The following ISM1 variants were observed in gnomAD, a reference collection of about 807,000 sequenced individuals.
ISM1 encodes the protein isthmin 1.
In ISM1, 25 loss-of-function variants were observed where a neutral mutation model predicts 46.3. The ratio of observed to expected loss-of-function variants is 0.54; its 90% CI spans 0.39 to 0.75. ISM1 has a LOEUF of 0.75. Ranked by LOEUF, ISM1 falls within the 30% of genes least tolerant of loss-of-function variation. The probability of loss-of-function intolerance (pLI) is 0.00; values close to 1 mark genes in which losing one functional copy is unlikely to be tolerated. For synonymous variants in ISM1, 255 were observed against 256.7 expected (o/e 0.99, Z 0.06); for missense variants, 536 against 625.4 (o/e 0.86, Z 1.52).
chr20:13,317,230 C>T, the ISM1 span, among the ~76,000 whole-genome samples: 2 of 150,708 alleles, frequency 1.3e-5, no homozygotes, highest in Admixed American at 6.6e-5. Context: ...TAATAAAATA[C>T]ATACAAGATC....
rs763898750 is a variant in ISM1, at chr20:13,279,699, G to A, written c.444G>A (p.Lys148=). 6.2e-7 allele frequency: 1 copy of A among 1,614,000 alleles called. No homozygotes were observed. The highest frequency in any genetic ancestry group is 8.5e-7 in the Non-Finnish European group (1 of 1,179,894). The change falls in exon 3 of 6, where the codon AAG becomes AAA. Residue 148 remains lysine, a synonymous_variant. Coordinates refer to ENST00000262487, the MANE Select transcript of ISM1 (RefSeq NM_080826.2). ...EADKDQHPEN[K]PSWSVPSPDW... is the part of the protein sequence containing the mutation. ...ATAAAGATCAGCATCCGGAGAATAA[G>A]CCCAGCTGGTCAGTCCCATCCCCCG...
At chr20:13,278,125 G>T (rs1318587726) in intron 2 of ISM1, among the ~76,000 whole-genome samples, 1 of 152,144 alleles carries the variant, frequency 6.6e-6, no homozygotes, top group Non-Finnish European at 1.5e-5. Flanking sequence ...ACTCATCCAG[G>T]GGGTGTTGCA....
At chr20:13,307,894 T>C in the ISM1 span, among the ~76,000 whole-genome samples, 1 of 152,226 alleles carries the variant, frequency 6.6e-6, no homozygotes, top group Admixed American at 6.5e-5. Flanking sequence ...CTATGGACAG[T>C]CCAGGGTGTG....
At chr20:13,312,417 T>A in the ISM1 span, among the ~76,000 whole-genome samples, 1 of 152,196 alleles carries the variant, frequency 6.6e-6, no homozygotes. Context: ...CCTTGCTGGT[T>A]CCTCCAAGAG....
At chr20:13,227,282 C>T (rs2039536268) in intron 1 of ISM1, among the ~76,000 whole-genome samples, 1 of 152,006 alleles carries the variant, frequency 6.6e-6, no homozygotes, top group African/African-American at 2.4e-5. Context: ...TGGCTCACTG[C>T]AAGCTCCACC....
chr20:13,301,520 T>G (rs150502038), downstream of ISM1, among the ~76,000 whole-genome samples: 114 of 152,302 alleles, frequency 7.5e-4, no homozygotes, highest in African/African-American at 2.6e-3. Context: ...ATTTACACCT[T>G]AGAAGGTATT....
chr20:13,269,841 T>C (rs2040090126), intron 1 of ISM1, among the ~76,000 whole-genome samples: 1 of 152,200 alleles, frequency 6.6e-6, no homozygotes, highest in African/African-American at 2.4e-5. Context: ...CATTTCAAAA[T>C]AATAGGTCTC....
the ISM1 span, among the ~76,000 whole-genome samples, chr20:13,319,387 A>T: frequency 6.6e-6 from 1 of 152,182 alleles, no homozygotes; most frequent in African/African-American, 2.4e-5. Context: ...TTGAAAACAG[A>T]GCTCAGAGAC....
chr20:13,222,012 C>A, intron 1 of ISM1, 98 bp downstream of exon 1: 1 of 1,106,422 alleles, frequency 9.0e-7, no homozygotes, highest in Non-Finnish European at 1.2e-6. Context: ...GAGGCAGGTC[C>A]CCTGCCCCAC....
intron 1 of ISM1, among the ~76,000 whole-genome samples, chr20:13,262,455 TTTTC>T (rs1170175233): frequency 6.6e-6 from 1 of 151,970 alleles, no homozygotes; most frequent in Non-Finnish European, 1.5e-5. Context: ...AAGGGTTTGT[TTTTC>T]TTTTTCTTTT....
chr20:13,232,541 C>A (rs766665395), intron 1 of ISM1, among the ~76,000 whole-genome samples: 1 of 152,098 alleles, frequency 6.6e-6, no homozygotes, highest in African/African-American at 2.4e-5. Context: ...ACCCATTGAC[C>A]CATTTAGGTT....
intron 1 of ISM1, among the ~76,000 whole-genome samples, chr20:13,266,876 T>C (rs1437605946): frequency 1.3e-5 from 2 of 152,332 alleles, no homozygotes; most frequent in East Asian, 3.9e-4. Flanking sequence ...GTGAGTGAAC[T>C]TGGTAATAGC....
At chr20:13,319,095 A>T in the ISM1 span, among the ~76,000 whole-genome samples, 2 of 152,230 alleles carry the variant, frequency 1.3e-5, no homozygotes, top group Non-Finnish European at 2.9e-5. Flanking sequence ...GTCGATAGTC[A>T]GAGAGAGTAT....
At chr20:13,289,812 C>T (rs1438172904) in intron 4 of ISM1, among the ~76,000 whole-genome samples, 5 of 152,116 alleles carry the variant, frequency 3.3e-5, no homozygotes, top group African/African-American at 9.7e-5. Flanking sequence ...TTTCCCATTG[C>T]CAGGTAGAAT....
At chr20:13,308,677 C>T in the ISM1 span, among the ~76,000 whole-genome samples, 2 of 152,106 alleles carry the variant, frequency 1.3e-5, no homozygotes, top group Non-Finnish European at 2.9e-5. Flanking sequence ...AAAAATGTGT[C>T]TATACTGTCT....
intron 1 of ISM1, among the ~76,000 whole-genome samples, chr20:13,255,965 G>A (rs892532046): frequency 1.3e-5 from 2 of 151,656 alleles, no homozygotes; most frequent in African/African-American, 4.8e-5. Context: ...AAGAGGGAAA[G>A]ACCATTTGTA....
intron 3 of ISM1, among the ~76,000 whole-genome samples, chr20:13,287,905 T>C (rs2123306208): frequency 6.6e-6 from 1 of 152,302 alleles, no homozygotes; most frequent in Non-Finnish European, 1.5e-5. Context: ...GCAGGGCCAC[T>C]GGGTAGGTAC....
At chr20:13,314,388 C>T in the ISM1 span, among the ~76,000 whole-genome samples, 1 of 151,830 alleles carries the variant, frequency 6.6e-6, no homozygotes, top group African/African-American at 2.4e-5. Flanking sequence ...AGGGAAAAAA[C>T]ACCTTATCTA....
At chr20:13,296,013 C>T (rs1007655134) in intron 5 of ISM1, among the ~76,000 whole-genome samples, 2 of 152,220 alleles carry the variant, frequency 1.3e-5, no homozygotes, top group Non-Finnish European at 2.9e-5. Context: ...CTGACTTCCC[C>T]TGCTAGAAAT....
Sources: gnomAD v4.1 joint callset for allele counts (sites outside exome capture counted in the v4.1 genomes callset) on GRCh38, gnomAD v4.1.1 for gene constraint, MANE v1.5 for transcripts, NCBI Gene and HGNC (gene_info 2026-07-23, HGNC 2026-07-21) for gene names.